Variants in BRINP3 observed in about 807,000 individuals in gnomAD.
The protein encoded by BRINP3 is BMP/retinoic acid-inducible neural-specific protein 3.
A neutral mutation model predicts 71.0 loss-of-function variants in BRINP3; 19 were observed. That is an observed-to-expected ratio of 0.27 (90% CI 0.19 to 0.39). BRINP3 has a LOEUF of 0.39. Ranked by LOEUF, BRINP3 falls within the 10% of genes least tolerant of loss-of-function variation. BRINP3 has a pLI of 1.00. For synonymous variants in BRINP3, 380 were observed against 337.7 expected (o/e 1.13, Z -1.37); for missense variants, 959 against 940.8 (o/e 1.02, Z -0.25).
At chr1:190,167,056 G>T (rs564563276) in intron 6 of BRINP3, among the ~76,000 whole-genome samples, 1 of 152,032 alleles carries the variant, frequency 6.6e-6, no homozygotes, top group South Asian at 2.1e-4. Flanking sequence ...TTCCTGTGTA[G>T]CACATGAGTA....
intron 2 of BRINP3, among the ~76,000 whole-genome samples, chr1:190,336,040 T>C (rs1667262854): frequency 6.6e-6 from 1 of 152,012 alleles, no homozygotes; most frequent in South Asian, 2.1e-4. Context: ...AATACTACCA[T>C]GTGATATATA....
intron 7 of BRINP3, among the ~76,000 whole-genome samples, chr1:190,155,589 A>C (rs574964868): frequency 9.2e-5 from 14 of 152,190 alleles, no homozygotes; most frequent in Non-Finnish European, 1.5e-4. Flanking sequence ...ATACTATGAT[A>C]GTTTTCAATA....
chr1:190,440,131 G>T (rs1000955913), intron 2 of BRINP3, among the ~76,000 whole-genome samples: 3 of 151,804 alleles, frequency 2.0e-5, no homozygotes, highest in African/African-American at 7.2e-5. Flanking sequence ...TAAAATAAAA[G>T]AAAATCCATT....
intron 2 of BRINP3, among the ~76,000 whole-genome samples, chr1:190,448,309 G>T (rs1359398075): frequency 1.3e-5 from 2 of 151,434 alleles, no homozygotes; most frequent in African/African-American, 4.8e-5. Flanking sequence ...ATTTTTCTTT[G>T]TGGGTTAGAA....
chr1:190,455,222 G>T (rs1468240175), intron 1 of BRINP3, among the ~76,000 whole-genome samples: 2 of 152,004 alleles, frequency 1.3e-5, no homozygotes, highest in African/African-American at 4.8e-5. Context: ...GCAAAAATCA[G>T]AAGTTGAATG....
intron 1 of BRINP3, among the ~76,000 whole-genome samples, chr1:190,462,113 T>C (rs1676437139): frequency 6.6e-6 from 1 of 151,978 alleles, no homozygotes; most frequent in Non-Finnish European, 1.5e-5. Flanking sequence ...GATTTCACCA[T>C]GTTGGTCAGG....
intron 1 of BRINP3, among the ~76,000 whole-genome samples, chr1:190,465,957 G>T (rs1487548249): frequency 6.6e-6 from 1 of 151,852 alleles, no homozygotes; most frequent in African/African-American, 2.4e-5. Flanking sequence ...TTGTTGCTAT[G>T]ACTGGCAACA....
At chr1:190,159,805 T>G (rs1422445073) in intron 7 of BRINP3, among the ~76,000 whole-genome samples, 1 of 151,940 alleles carries the variant, frequency 6.6e-6, no homozygotes, top group Non-Finnish European at 1.5e-5. Flanking sequence ...TAGACACCAA[T>G]AAATTGTAAA....
At chr1:190,299,205 G>GT (rs1316198750) in intron 2 of BRINP3, among the ~76,000 whole-genome samples, 1 of 151,648 alleles carries the variant, frequency 6.6e-6, no homozygotes, top group East Asian at 1.9e-4. Context: ...TTTGAAGTGT[G>GT]TTTTTTTCAT....
intron 2 of BRINP3, among the ~76,000 whole-genome samples, chr1:190,341,713 T>C (rs1166471630): frequency 6.6e-6 from 1 of 151,672 alleles, no homozygotes; most frequent in Non-Finnish European, 1.5e-5. Flanking sequence ...CAAAGTTCCA[T>C]AGTTGAAAAA....
intron 2 of BRINP3, among the ~76,000 whole-genome samples, chr1:190,340,249 G>T (rs1412968): frequency 6.6e-5 from 10 of 151,738 alleles, no homozygotes; most frequent in African/African-American, 2.4e-4. Flanking sequence ...GACTTGAAAA[G>T]TAATCAAGGA....
intron 2 of BRINP3, among the ~76,000 whole-genome samples, chr1:190,329,972 A>C (rs369151581): frequency 6.6e-6 from 1 of 150,822 alleles, no homozygotes; most frequent in African/African-American, 2.4e-5. Flanking sequence ...CATTCATCAT[A>C]AAAAAAAAGC....
intron 6 of BRINP3, among the ~76,000 whole-genome samples, chr1:190,186,835 G>C (rs1432317717): frequency 6.6e-6 from 1 of 152,028 alleles, no homozygotes; most frequent in Non-Finnish European, 1.5e-5. Context: ...CTCTTTTTAA[G>C]AAAAATCATA....
At chr1:190,284,398 A>T (rs2102945278) in intron 2 of BRINP3, among the ~76,000 whole-genome samples, 1 of 152,156 alleles carries the variant, frequency 6.6e-6, no homozygotes, top group Admixed American at 6.6e-5. Flanking sequence ...ACATAAGAAA[A>T]TCTATGACCT....
intron 2 of BRINP3, among the ~76,000 whole-genome samples, chr1:190,321,571 T>C (rs910024341): frequency 2.6e-5 from 4 of 152,114 alleles, no homozygotes; most frequent in African/African-American, 9.7e-5. Flanking sequence ...CCAAAAGGTC[T>C]CTTGATTAGG....
At chr1:190,324,634 TG>T in intron 2 of BRINP3, among the ~76,000 whole-genome samples, 1 of 152,100 alleles carries the variant, frequency 6.6e-6, no homozygotes, top group African/African-American at 2.4e-5. Flanking sequence ...ATTATTTAAA[TG>T]GTTTTATTAA....
At chr1:190,155,679 T>C (rs1214222335) in intron 7 of BRINP3, among the ~76,000 whole-genome samples, 4 of 152,066 alleles carry the variant, frequency 2.6e-5, no homozygotes, top group Non-Finnish European at 5.9e-5. Flanking sequence ...AGGGACCTAG[T>C]GTGAGGTAAT....
At chr1:190,302,455 T>C (rs1664803995) in intron 2 of BRINP3, among the ~76,000 whole-genome samples, 3 of 151,610 alleles carry the variant, frequency 2.0e-5, no homozygotes, top group Admixed American at 6.6e-5. Flanking sequence ...TTTAAAATGA[T>C]AATAAAAATC....
intron 2 of BRINP3, among the ~76,000 whole-genome samples, chr1:190,448,640 A>G (rs1016647485): frequency 6.6e-6 from 1 of 151,734 alleles, no homozygotes; most frequent in Non-Finnish European, 1.5e-5. Context: ...TTATCTTTTT[A>G]CTTTTTATGT....
Sources: allele counts gnomAD v4.1 joint callset (sites outside exome capture counted in the v4.1 genomes callset), GRCh38; gene constraint gnomAD v4.1.1; transcripts MANE v1.5; gene names NCBI Gene and HGNC (gene_info 2026-07-23, HGNC 2026-07-21).